Variants in BAG6 observed in about 807,000 individuals in gnomAD.
BAG6 encodes the protein BAG cochaperone 6.
A neutral mutation model predicts 121.0 loss-of-function variants in BAG6; 22 were observed. The ratio of observed to expected loss-of-function variants is 0.18; its 90% CI spans 0.13 to 0.26. The LOEUF (loss-of-function observed/expected upper bound fraction) is 0.26, where lower values mean the gene tolerates loss of function less well. Among genes scored for constraint, BAG6 ranks in the 10% least tolerant of loss-of-function variants. The pLI is 1.00. For missense variants in BAG6, 1,233 were observed against 1,537.7 expected (o/e 0.80, Z 3.31); for synonymous variants, 583 against 584.6 (o/e 1.00, Z 0.04).
rs143499629 is a variant in BAG6 at position 31,644,576 on chromosome 6, G to T, written c.1396C>A (p.Pro466Thr). ...QDSGTQPGGV[P>T]SAPTGPLGPP... Reference sequence around the variant, plus strand: ...CCCAGGGGGCCAGTGGGAGCACTCGGAACACCACCAGGCTGTGTGCCAGAA... The same window carrying T: ...CCCAGGGGGCCAGTGGGAGCACTCGTAACACCACCAGGCTGTGTGCCAGAA... Residue 466 changes from proline to threonine, a missense_variant, in exon 11 of 26, where the codon CCG becomes ACG. Around this residue, in one of 7 missense-constraint regions of BAG6, gnomAD observed 777 missense variants for 861.4 expected, o/e 0.90. Transcript: ENST00000676615. This position sits in a 1 kb window ranked among gnomAD's most constrained non-coding sequence, Gnocchi z 4.9. The T allele has an allele frequency of 1.2e-6, 2 of 1,612,714 alleles. No individual in the cohort carries two copies. The highest frequency in any genetic ancestry group is 2.2e-5 in the South Asian group (2 of 91,040).
At chr6:31,652,211 C>T (rs935004518) in intron 1 of BAG6, 6 of 171,000 alleles carry the variant, frequency 3.5e-5, no homozygotes, top group Admixed American at 1.1e-4. Flanking sequence ...TCCTAACTCA[C>T]TATAGACCCG....
rs756014536 is a variant in BAG6, at chr6:31,649,635, G to A, written c.109-8C>T. On this transcript the variant is annotated splice_polypyrimidine_tract_variant and splice_region_variant and intron_variant, in intron 2 of 25. Coordinates refer to ENST00000676615, the MANE Select transcript of BAG6 (RefSeq NM_001387994.1). The stretch of plus-strand genomic sequence containing the variant: ...AAACTCTTTTACATTCATCTGAAAA[G>A]AAGAGGCATGCACAGGAATGGAAAG... The A allele has an allele frequency of 1.7e-5, 27 of 1,607,010 alleles. No homozygotes were observed. The highest frequency in any genetic ancestry group is 2.7e-5 in the African/African-American group (2 of 74,768).
intron 4 of BAG6, 47 bp from the exon 5 acceptor site, chr6:31,649,011 G>A: frequency 1.3e-6 from 2 of 1,515,980 alleles, no homozygotes; most frequent in Non-Finnish European, 8.8e-7. Flanking sequence ...CCAACACTAA[G>A]GCCTCCACAC....
Position 31,641,815 on chromosome 6 carries a change from G to A in BAG6, c.2466C>T (p.His822=). Residue 822 remains histidine (H), a synonymous_variant, in exon 17 of 26, where the codon CAC becomes CAT. Transcript: ENST00000676615. The surrounding 1 kb of genome is among the most constrained non-coding windows in gnomAD (Gnocchi z 5.7). ...QPQLRSFFHQ[H]YLGGQEPTPS... is the part of the protein sequence containing the mutation. Reference sequence around the variant, plus strand: ...GTGTGGGCTCCTGACCACCCAGGTAGTGCTGGTGGAAGAAGGATCGCAGCT... The same window carrying A: ...GTGTGGGCTCCTGACCACCCAGGTAATGCTGGTGGAAGAAGGATCGCAGCT... The A allele has an allele frequency of 1.9e-6, 3 of 1,613,120 alleles. No homozygotes were observed. The highest frequency in any genetic ancestry group is 1.7e-6 in the Non-Finnish European group (2 of 1,180,024).
intron 1 of BAG6, 85 bp downstream of exon 1, chr6:31,652,336 CACA>C (rs1798026735): frequency 6.7e-6 from 1 of 149,648 alleles, no homozygotes; most frequent in Non-Finnish European, 1.5e-5. Flanking sequence ...CACACACACA[CACA>C]CACACACACA....
chr6:31,639,092 AAACGGTCC>A lies in BAG6; in HGVS notation c.*31_*38del. On this transcript the variant is annotated 3_prime_UTR_variant, in exon 26 of 26. Coordinates refer to ENST00000676615, the MANE Select transcript of BAG6 (RefSeq NM_001387994.1). ...TAAATACTGTGAAGGAAGAGGGGGG[AAACGGTCC>A]CCTGATGAGGAAGGGCCATAGAGCA... 6.5e-7 allele frequency: 1 copy of A among 1,532,774 alleles called. No homozygotes were observed. Among genetic ancestry groups the A allele is most frequent in the Non-Finnish European group, 8.9e-7 (1 of 1,117,568 alleles). 94.9% of individuals were successfully genotyped at this position (1,532,774 alleles called of 1,614,324 possible). A position where few individuals can be genotyped will look rare whatever the true frequency, so the allele number is the denominator to read the frequency against.
intron 2 of BAG6, among the ~76,000 whole-genome samples, chr6:31,650,892 G>C (rs1561967927): frequency 6.6e-6 from 1 of 152,180 alleles, no homozygotes; most frequent in African/African-American, 2.4e-5. Context: ...TTAAGCTCAA[G>C]AGACTCAAGC....
rs1431384389 is a variant in BAG6 at position 31,642,162 on chromosome 6, C to T, written c.2285G>A (p.Arg762His). Residue 762 changes from arginine to histidine, a missense_variant, in exon 16 of 26, where the codon CGC becomes CAC. By Grantham distance (29) the Arg-to-His change is conservative. This residue lies in a region of BAG6 where 288 missense variants were observed against 483.1 expected (regional missense o/e 0.60). Transcript: ENST00000676615. ...SSESIAAFIQ[R>H]LSGSSNIFEP... is the part of the protein sequence containing the mutation. ...AAAGATGTTGCTGGATCCACTGAGG[C>T]GTTGTATGAAGGCAGCAATACTTTC... 2 of 1,612,904 alleles carry T rather than the reference C, an allele frequency of 1.2e-6. No homozygotes were observed. Among genetic ancestry groups the T allele is most frequent in the Non-Finnish European group, 1.7e-6 (2 of 1,179,994 alleles).
Position 31,639,084 on chromosome 6 carries a change from G to T in BAG6, c.*47C>A. 1 of 1,486,722 alleles carries T rather than the reference G, an allele frequency of 6.7e-7. No individual in the cohort carries two copies. The allele number at this position is 1,486,722 out of a possible 1,614,324, so 92.1% of individuals were successfully genotyped here. On this transcript the variant is annotated 3_prime_UTR_variant, in exon 26 of 26. Transcript: ENST00000676615. ...TTATTTCTTAAATACTGTGAAGGAAGAGGGGGGAAACGGTCCCCTGATGAG... is the reference window on the plus strand; with the variant it reads ...TTATTTCTTAAATACTGTGAAGGAATAGGGGGGAAACGGTCCCCTGATGAG...
At chr6:31,639,374 G>A in intron 25 of BAG6, 126 bp downstream of exon 25, 1 of 1,495,456 alleles carries the variant, frequency 6.7e-7, no homozygotes, top group Non-Finnish European at 9.1e-7. Flanking sequence ...AGCCTTCCCA[G>A]ATGCCAAAGG....
Position 31,651,742 on chromosome 6 carries a change from T to C in BAG6, c.22A>G (p.Ser8Gly), listed in dbSNP as rs916712305. The change falls in exon 2 of 26, where the codon AGT becomes GGT. Residue 8 changes from serine (S) to glycine (G), a missense_variant. By Grantham distance (56) the Ser-to-Gly change is moderately conservative. Coordinates refer to ENST00000676615, the MANE Select transcript of BAG6 (RefSeq NM_001387994.1). MEPNDST[S>G]TAVEEPDSLE... ...CTGTCAGGCTCCTCCACAGCGGTAC[T>C]GGTACTATCATTAGGCTCCATGGCC... The C allele has an allele frequency of 3.1e-6, 5 of 1,613,010 alleles. No homozygotes were observed. In the African/African-American group the frequency reaches 4.0e-5, roughly 13 times the overall value.
rs754822274 is a variant in BAG6, at chr6:31,640,476, C to T, written c.3047G>A (p.Arg1016Gln). The T allele has an allele frequency of 6.2e-6, 10 of 1,613,224 alleles. No individual in the cohort carries two copies. The highest frequency in any genetic ancestry group is 1.7e-5 in the Admixed American group (1 of 60,026). ...PGTTAEEAMS[R>Q]GPPPAPEGGS... ...CCCCTCAGGAGCAGGAGGTGGACCT[C>T]GGGACATGGCCTCTTCTGCTGTTGT... The change falls in exon 23 of 26, where the codon CGA becomes CAA. Residue 1016 changes from arginine to glutamine, a missense_variant. Transcript: ENST00000676615. This position sits in a 1 kb window ranked among gnomAD's most constrained non-coding sequence, Gnocchi z 4.2.
At position 31,644,220 on chromosome 6, in the gene BAG6, G is replaced by T. The variant is rs375114527; in HGVS notation, c.1556-26C>A. On this transcript the variant is annotated intron_variant, in intron 12 of 25. Transcript: ENST00000676615. This position sits in a 1 kb window ranked among gnomAD's most constrained non-coding sequence, Gnocchi z 4.9. ...CTGTGGGTGGCAGAAGAGACAGACC[G>T]AAGAGGGCTGAGGGCCAGGCCCTTG... is the stretch of plus-strand genomic sequence containing the variant. 1.2e-6 allele frequency: 2 copies of T among 1,600,798 alleles called. No homozygotes were observed. Among genetic ancestry groups the T allele is most frequent in the South Asian group, 1.1e-5 (1 of 89,370 alleles).
chr6:31,646,017 G>C (rs1788786814), intron 8 of BAG6, among the ~76,000 whole-genome samples: 1 of 152,084 alleles, frequency 6.6e-6, no homozygotes, highest in Admixed American at 6.6e-5. Flanking sequence ...AGACAGTCTC[G>C]CTCTGTCACC....
chr6:31,649,683 AAGAC>A (rs2150998643), intron 2 of BAG6, 56 bp from the exon 3 acceptor site: 3 of 1,502,556 alleles, frequency 2.0e-6, no homozygotes, highest in Non-Finnish European at 1.8e-6. Flanking sequence ...AGGAAGAACA[AAGAC>A]AGACAACCGA....
In BAG6 at chr6:31,642,990, G is replaced by A. The variant is rs1385908136; in HGVS notation, c.1882C>T (p.Pro628Ser). ...TGAAGATCAGCCATGGAGGGTTGAGGGGTGGGTGGAGGCTGGGCAGGCCCC... is the reference window on the plus strand; with the variant it reads ...TGAAGATCAGCCATGGAGGGTTGAGAGGTGGGTGGAGGCTGGGCAGGCCCC... The part of the protein sequence containing the change: ...PGGPAQPPPT[P>S]QPSMADLQFS... Residue 628 changes from proline (P) to serine (S), a missense_variant, in exon 15 of 26, where the codon CCT (proline) becomes TCT (serine). By Grantham distance (74) the Pro-to-Ser change is moderately conservative. Around this residue, in one of 7 missense-constraint regions of BAG6, gnomAD observed 777 missense variants for 861.4 expected, o/e 0.90. Transcript: ENST00000676615. The A allele has an allele frequency of 6.3e-7, 1 of 1,597,580 alleles. No homozygotes were observed. The highest frequency in any genetic ancestry group is 1.1e-5 in the South Asian group (1 of 88,320).
At position 31,641,557 on chromosome 6, in the gene BAG6, C is replaced by A. The variant is rs767177942; in HGVS notation, c.2541G>T (p.Glu847Asp). 1 of 1,614,156 alleles carries A rather than the reference C, an allele frequency of 6.2e-7. No individual in the cohort carries two copies. Among genetic ancestry groups the A allele is most frequent in the South Asian group, 1.1e-5 (1 of 91,084 alleles). Residue 847 changes from glutamate to aspartate, a missense_variant, in exon 18 of 26, where the codon GAG (glutamate) becomes GAT (aspartate). Around this residue, in one of 7 missense-constraint regions of BAG6, gnomAD observed 288 missense variants for 483.1 expected, o/e 0.60. Coordinates refer to ENST00000676615, the MANE Select transcript of BAG6 (RefSeq NM_001387994.1). This position sits in a 1 kb window ranked among gnomAD's most constrained non-coding sequence, Gnocchi z 5.7. ...ATHTLITGLE[E>D]YVRESFSLVQ... ...TACTCACAAAACTCTCCCGCACATACTCTTCTAGCCCCGTGATCAATGTGT... is the reference window on the plus strand; with the variant it reads ...TACTCACAAAACTCTCCCGCACATAATCTTCTAGCCCCGTGATCAATGTGT...
At chr6:31,647,252 T>C (rs1458728101) in intron 7 of BAG6, among the ~76,000 whole-genome samples, 1 of 152,046 alleles carries the variant, frequency 6.6e-6, no homozygotes, top group African/African-American at 2.4e-5. Context: ...GAGAAGAAAA[T>C]GAACTGCTCC....
At chr6:31,651,308 G>A (rs1796430097) in intron 2 of BAG6, among the ~76,000 whole-genome samples, 1 of 152,222 alleles carries the variant, frequency 6.6e-6, no homozygotes, top group Non-Finnish European at 1.5e-5. Flanking sequence ...GGAGGCCGAG[G>A]AGGGCACATC....
Sources: gnomAD v4.1 joint callset for allele counts (sites outside exome capture counted in the v4.1 genomes callset) on GRCh38, gnomAD v4.1.1 for gene constraint, gnomAD v4.1.1 regional missense constraint, Gnocchi (gnomAD v3.1) non-coding constraint, MANE v1.5 for transcripts, NCBI Gene and HGNC (gene_info 2026-07-23, HGNC 2026-07-21) for gene names.